The following CALN1 variants were observed in gnomAD, a reference collection of about 807,000 sequenced individuals.
CALN1 encodes calneuron 1.
In CALN1, 17 loss-of-function variants were observed where a neutral mutation model predicts 30.6. The ratio of observed to expected loss-of-function variants is 0.56; its 90% CI spans 0.38 to 0.83. The LOEUF (loss-of-function observed/expected upper bound fraction) is 0.83. Among genes scored for constraint, CALN1 ranks in the 40% least tolerant of loss-of-function variants. The pLI is 0.00. For synonymous variants in CALN1, 156 were observed against 131.4 expected (o/e 1.19, Z -1.28); for missense variants, 291 against 354.9 (o/e 0.82, Z 1.45).
chr7:72,201,893 A>C (rs1791460552), intron 3 of CALN1, among the ~76,000 whole-genome samples: 1 of 152,222 alleles, frequency 6.6e-6, no homozygotes, highest in African/African-American at 2.4e-5. Flanking sequence ...AGCCTGGAGC[A>C]ACCCACACTC....
At chr7:71,997,406 T>A (rs746985951) in intron 5 of CALN1, among the ~76,000 whole-genome samples, 61 of 151,594 alleles carry the variant, frequency 4.0e-4, no homozygotes, top group Non-Finnish European at 5.2e-4. Flanking sequence ...AGAAAGAAAA[T>A]AGATGAAATG....
chr7:72,176,831 C>T (rs905442740), intron 3 of CALN1, among the ~76,000 whole-genome samples: 1 of 152,088 alleles, frequency 6.6e-6, no homozygotes, highest in Non-Finnish European at 1.5e-5. Context: ...AGGAATTTTC[C>T]ACCCTGTCTT....
chr7:72,138,788 T>C (rs10950298), intron 3 of CALN1, among the ~76,000 whole-genome samples: 85,703 of 151,960 alleles, frequency 0.56, 24,661 homozygotes, highest in East Asian at 0.68. Flanking sequence ...CCCCCCACAA[T>C]CCCCGCCCTT....
rs150062043 is a variant in CALN1 at position 71,925,582 on chromosome 7, T to G, written c.501+98075A>C. The stretch of plus-strand genomic sequence containing the variant: ...ATTTTCCTTTAATTTTAAAAATAAT[T>G]CATTTTTAAAATATTTTCCTTTAAT... On this transcript the variant is annotated intron_variant, in intron 5 of 6. Transcript: ENST00000395275. Among the ~76,000 whole-genome samples, 798 of 152,176 alleles carry G rather than the reference T, an allele frequency of 5.2e-3. 6 individuals carry two copies. Among genetic ancestry groups the G allele is most frequent in the African/African-American group, 0.019 (774 of 41,556 alleles).
intron 2 of CALN1, among the ~76,000 whole-genome samples, chr7:72,359,965 A>T (rs1434229701): frequency 8.2e-6 from 1 of 121,698 alleles, no homozygotes; most frequent in Non-Finnish European, 1.9e-5. Context: ...TGACAGAGTG[A>T]GACTCCATCT....
chr7:71,806,449 C>T (rs765096846), intron 6 of CALN1, among the ~76,000 whole-genome samples: 12 of 151,874 alleles, frequency 7.9e-5, no homozygotes, highest in Non-Finnish European at 1.5e-4. Context: ...TGGGATTCCA[C>T]GCACATGCCA....
At chr7:72,105,536 T>C (rs1807028198) in intron 4 of CALN1, among the ~76,000 whole-genome samples, 1 of 151,736 alleles carries the variant, frequency 6.6e-6, no homozygotes. Flanking sequence ...GACCCTGGTC[T>C]TGGTCAATTT....
intron 4 of CALN1, among the ~76,000 whole-genome samples, chr7:72,068,350 A>AT (rs1804167699): frequency 6.6e-6 from 1 of 152,162 alleles, no homozygotes; most frequent in Non-Finnish European, 1.5e-5. Flanking sequence ...ACCCCAATGG[A>AT]TTTTTCCCAC....
chr7:72,308,054 A>G (rs781225298), intron 2 of CALN1, among the ~76,000 whole-genome samples: 1 of 152,148 alleles, frequency 6.6e-6, no homozygotes. Flanking sequence ...ATGTGTAATA[A>G]ACAAAACGAC....
At chr7:71,997,026 A>G (rs1799286366) in intron 5 of CALN1, among the ~76,000 whole-genome samples, 1 of 152,112 alleles carries the variant, frequency 6.6e-6, no homozygotes, top group South Asian at 2.1e-4. Context: ...CCAGGAGTTC[A>G]AGACCAGCCT....
At position 71,829,097 on chromosome 7, in the gene CALN1, C is replaced by T. The variant is rs113897944; in HGVS notation, c.502-18605G>A. 2.9e-4 allele frequency among the ~76,000 whole-genome samples: 44 copies of T among 152,192 alleles called. 1 individual carries two copies. The highest frequency in any genetic ancestry group is 1.0e-3 in the African/African-American group (43 of 41,522). On this transcript the variant is annotated intron_variant, in intron 5 of 6. Transcript: ENST00000395275. ...CTAAAGTGTATAAAACCAAGCTGTG[C>T]CCCAACCACCTTGTGCACATGTCAG...
chr7:72,355,221 C>G (rs555208596), intron 2 of CALN1, among the ~76,000 whole-genome samples: 1 of 152,134 alleles, frequency 6.6e-6, no homozygotes, highest in South Asian at 2.1e-4. Flanking sequence ...AACTGCTTAA[C>G]GAGGATACAA....
intron 6 of CALN1, among the ~76,000 whole-genome samples, chr7:71,807,757 T>C (rs927493405): frequency 1.3e-5 from 2 of 151,904 alleles, no homozygotes; most frequent in African/African-American, 4.8e-5. Flanking sequence ...CTGGCTAACA[T>C]GGTAAAACCC....
At chr7:72,190,939 A>G (rs953969210) in intron 3 of CALN1, among the ~76,000 whole-genome samples, 1 of 152,056 alleles carries the variant, frequency 6.6e-6, no homozygotes, top group African/African-American at 2.4e-5. Context: ...TTTCCTTCAT[A>G]GCTATTGTCA....
intron 5 of CALN1, among the ~76,000 whole-genome samples, chr7:71,864,512 A>C (rs1460133977): frequency 6.6e-6 from 1 of 152,210 alleles, no homozygotes; most frequent in Admixed American, 6.5e-5. Context: ...CTGACCGTGA[A>C]TTAGAACGAA....
At chr7:72,205,820 T>A (rs936692403) in intron 3 of CALN1, among the ~76,000 whole-genome samples, 3 of 151,878 alleles carry the variant, frequency 2.0e-5, no homozygotes, top group Non-Finnish European at 2.9e-5. Flanking sequence ...ATTTTATATT[T>A]AACTCTTTAA....
intron 3 of CALN1, among the ~76,000 whole-genome samples, chr7:72,265,451 C>A (rs533454104): frequency 6.6e-6 from 1 of 152,126 alleles, no homozygotes; most frequent in Non-Finnish European, 1.5e-5. Flanking sequence ...TCAGTGAAGC[C>A]AACATCGGAA....
intron 6 of CALN1, among the ~76,000 whole-genome samples, chr7:71,806,548 C>T (rs1351003038): frequency 1.3e-5 from 2 of 152,174 alleles, no homozygotes; most frequent in Non-Finnish European, 2.9e-5. Flanking sequence ...CTCAGTTTAT[C>T]CACCCGCCTT....
chr7:72,323,475 C>G (rs886356332), intron 2 of CALN1, among the ~76,000 whole-genome samples: 1 of 151,956 alleles, frequency 6.6e-6, no homozygotes, highest in Non-Finnish European at 1.5e-5. Flanking sequence ...GCCTGGCCAA[C>G]ATAGTGAAAT....
Sources: gnomAD v4.1 joint callset for allele counts (sites outside exome capture counted in the v4.1 genomes callset) on GRCh38, gnomAD v4.1.1 for gene constraint, MANE v1.5 for transcripts, NCBI Gene and HGNC (gene_info 2026-07-23, HGNC 2026-07-21) for gene names.